The following DPY19L1 variants were observed in gnomAD, a reference collection of about 807,000 sequenced individuals.
DPY19L1 encodes dpy-19 like C-mannosyltransferase 1, also known as protein C-mannosyl-transferase DPY19L1.
A neutral mutation model predicts 96.9 loss-of-function variants in DPY19L1; 35 were observed. That is an observed-to-expected ratio of 0.36 (90% confidence interval 0.28 to 0.48). DPY19L1 has a LOEUF of 0.48. DPY19L1 is among the 20% of genes least tolerant of loss of function. The pLI, the probability that DPY19L1 is intolerant of heterozygous loss-of-function variation, is 0.99. For missense variants in DPY19L1, 521 were observed against 777.9 expected (o/e 0.67, Z 3.93); for synonymous variants, 205 against 252.6 (o/e 0.81, Z 1.79).
chr7:34,935,526 T>C (rs1465828485), intron 21 of DPY19L1, among the ~76,000 whole-genome samples: 1 of 152,198 alleles, frequency 6.6e-6, no homozygotes, highest in African/African-American at 2.4e-5. Context: ...AATCAAGCCA[T>C]ACAATTAAGC....
Position 34,940,165 on chromosome 7 carries a change from T to C in DPY19L1, c.1852A>G (p.Ser618Gly), listed in dbSNP as rs773634561. 5.8e-6 allele frequency: 9 copies of C among 1,553,524 alleles called. No homozygotes were observed. Among genetic ancestry groups the C allele is most frequent in the Non-Finnish European group, 7.8e-6 (9 of 1,153,070 alleles). Residue 618 changes from serine to glycine, a missense_variant, in exon 19 of 22, where the codon AGT becomes GGT. Coordinates refer to ENST00000638088, the MANE Select transcript of DPY19L1 (RefSeq NM_001366673.1). ...QEELIEWIKYSTKPDAVFAGA... is the reference protein window; with the variant it reads ...QEELIEWIKYGTKPDAVFAGA... ...TTTTTTTTTTTACCTGGTTTAGTAC[T>C]ATATTTGATCCATTCTATAAGTTCT...
intron 10 of DPY19L1, among the ~76,000 whole-genome samples, chr7:34,965,359 T>C (rs1275947417): frequency 6.6e-6 from 1 of 152,064 alleles, no homozygotes; most frequent in Admixed American, 6.6e-5. Flanking sequence ...GAAATCTGAG[T>C]GAAAAAATGG....
intron 8 of DPY19L1, among the ~76,000 whole-genome samples, chr7:34,971,425 GGGGC>G (rs1202272657): frequency 6.6e-6 from 1 of 152,104 alleles, no homozygotes; most frequent in African/African-American, 2.4e-5. Context: ...TGACAACTAA[GGGGC>G]ATAACCAGGA....
intron 1 of DPY19L1, among the ~76,000 whole-genome samples, chr7:35,023,252 G>A (rs1431944620): frequency 3.3e-5 from 5 of 152,046 alleles, no homozygotes; most frequent in African/African-American, 4.8e-5. Flanking sequence ...CTTCCTAGAC[G>A]CCGTCCTGAG....
chr7:34,970,935 T>A (rs1364863973), intron 8 of DPY19L1, among the ~76,000 whole-genome samples: 1 of 151,890 alleles, frequency 6.6e-6, no homozygotes, highest in African/African-American at 2.4e-5. Context: ...TAAAAATGCT[T>A]AAAATTCAAA....
chr7:35,030,885 A>G (rs376602506), intron 1 of DPY19L1, among the ~76,000 whole-genome samples: 9 of 152,138 alleles, frequency 5.9e-5, no homozygotes, highest in African/African-American at 2.2e-4. Context: ...AGATTAAACA[A>G]CATCTAGACC....
intron 6 of DPY19L1, among the ~76,000 whole-genome samples, chr7:35,007,853 T>C (rs781215813): frequency 6.6e-6 from 1 of 152,118 alleles, no homozygotes; most frequent in Non-Finnish European, 1.5e-5. Context: ...TATGAGATCA[T>C]ACTTCAGCTT....
At chr7:35,007,760 A>G (rs1351275594) in intron 6 of DPY19L1, among the ~76,000 whole-genome samples, 1 of 152,128 alleles carries the variant, frequency 6.6e-6, no homozygotes, top group Non-Finnish European at 1.5e-5. Flanking sequence ...AAACTCTCTA[A>G]TAAGTGATGC....
chr7:34,933,206 T>C (rs1469331313), intron 21 of DPY19L1, among the ~76,000 whole-genome samples: 2 of 152,234 alleles, frequency 1.3e-5, no homozygotes, highest in African/African-American at 4.8e-5. Flanking sequence ...GGATAAGTTA[T>C]TCAGTGGCAG....
chr7:35,005,100 T>C (rs1301105890), intron 6 of DPY19L1, among the ~76,000 whole-genome samples: 10 of 152,116 alleles, frequency 6.6e-5, no homozygotes, highest in African/African-American at 2.2e-4. Flanking sequence ...AAAATCAACT[T>C]AAGTACTTTT....
intron 14 of DPY19L1, among the ~76,000 whole-genome samples, chr7:34,949,044 T>TACC (rs1237886434): frequency 6.6e-6 from 1 of 152,178 alleles, no homozygotes; most frequent in Non-Finnish European, 1.5e-5. Flanking sequence ...TACATACACA[T>TACC]ACCACTCTGA....
At chr7:34,939,599 T>C (rs748497521) in intron 19 of DPY19L1, among the ~76,000 whole-genome samples, 7 of 152,194 alleles carry the variant, frequency 4.6e-5, no homozygotes, top group Non-Finnish European at 1.0e-4. Context: ...AGCTTCATCA[T>C]CTCATCATTA....
chr7:34,984,531 T>C (rs1785008209), intron 7 of DPY19L1, among the ~76,000 whole-genome samples: 2 of 152,318 alleles, frequency 1.3e-5, no homozygotes, highest in African/African-American at 4.8e-5. Flanking sequence ...TAGGCTACTT[T>C]TCTATTGTAG....
At chr7:34,964,727 G>T (rs1437567547) in intron 10 of DPY19L1, among the ~76,000 whole-genome samples, 10 of 152,158 alleles carry the variant, frequency 6.6e-5, no homozygotes, top group African/African-American at 2.4e-4. Context: ...CATGTTAAAA[G>T]GAAAGAGAAG....
chr7:34,962,143 G>A (rs1784513585), intron 10 of DPY19L1, among the ~76,000 whole-genome samples: 1 of 152,206 alleles, frequency 6.6e-6, no homozygotes, highest in African/African-American at 2.4e-5. Flanking sequence ...CCTGCATACA[G>A]ATGTTTACGG....
rs566558660 is a variant in DPY19L1 at position 34,965,120 on chromosome 7, A to G, written c.1092+1774T>C. 4.6e-5 allele frequency among the ~76,000 whole-genome samples: 7 copies of G among 152,318 alleles called. No individual in the cohort carries two copies. In the South Asian group the frequency reaches 1.4e-3, roughly 32 times the overall value. On this transcript the variant is annotated intron_variant, in intron 10 of 21. Coordinates refer to ENST00000638088, the MANE Select transcript of DPY19L1 (RefSeq NM_001366673.1). ...GAACATGTACATAATTTACCACCCAACAAGTTTACTACCAGGTAAATACCC... is the reference window on the plus strand; with the variant it reads ...GAACATGTACATAATTTACCACCCAGCAAGTTTACTACCAGGTAAATACCC...
At chr7:35,012,318 C>T (rs1311591168) in intron 4 of DPY19L1, among the ~76,000 whole-genome samples, 1 of 152,208 alleles carries the variant, frequency 6.6e-6, no homozygotes, top group Non-Finnish European at 1.5e-5. Context: ...CCTCCTACCT[C>T]ATTCTGCTTC....
chr7:35,025,908 C>G (rs1786108939), intron 1 of DPY19L1, among the ~76,000 whole-genome samples: 1 of 152,202 alleles, frequency 6.6e-6, no homozygotes, highest in Non-Finnish European at 1.5e-5. Context: ...GGTTGAGAAG[C>G]ACTGACATTG....
chr7:34,932,480 G>C (rs1783774578), intron 21 of DPY19L1, among the ~76,000 whole-genome samples: 1 of 152,038 alleles, frequency 6.6e-6, no homozygotes, highest in Non-Finnish European at 1.5e-5. Flanking sequence ...TGGTTGTATG[G>C]GTATTTGAAA....
Sources: gnomAD v4.1 joint callset for allele counts (sites outside exome capture counted in the v4.1 genomes callset) on GRCh38, gnomAD v4.1.1 for gene constraint, MANE v1.5 for transcripts, NCBI Gene and HGNC (gene_info 2026-07-23, HGNC 2026-07-21) for gene names.